Variants in RSPO2 observed in about 807,000 individuals in gnomAD.
RSPO2 encodes R-spondin-2.
Under a neutral mutation model 30.9 loss-of-function variants are expected in RSPO2, and 14 were observed. The observed-to-expected ratio is 0.45, with a 90% confidence interval of 0.30 to 0.71. RSPO2 has a LOEUF of 0.71. Ranked by LOEUF, RSPO2 falls within the 30% of genes least tolerant of loss-of-function variation. RSPO2 has a pLI of 0.08. For synonymous variants in RSPO2, 107 were observed against 96.4 expected (o/e 1.11, Z -0.64); for missense variants, 264 against 301.9 (o/e 0.87, Z 0.93).
intron 5 of RSPO2, among the ~76,000 whole-genome samples, chr8:107,921,115 C>T (rs1812153774): frequency 6.6e-6 from 1 of 151,998 alleles, no homozygotes; most frequent in African/African-American, 2.4e-5. Flanking sequence ...AGGTTAAACA[C>T]TGAAGGAATT....
chr8:107,901,744 A>ATTCATT (rs1302021157), intron 5 of RSPO2, among the ~76,000 whole-genome samples: 1 of 152,258 alleles, frequency 6.6e-6, no homozygotes, highest in Non-Finnish European at 1.5e-5. Context: ...TGGAGACATC[A>ATTCATT]TTCATTATAT....
At position 108,074,295 on chromosome 8, in the gene RSPO2, C is replaced by T. The variant is rs556634335; in HGVS notation, c.94+8250G>A. Among the ~76,000 whole-genome samples, 5 of 152,306 alleles carry T rather than the reference C, an allele frequency of 3.3e-5. No homozygotes were observed. The East Asian group carries it at 7.7e-4, about 23-fold the overall frequency. On this transcript the variant is annotated intron_variant, in intron 2 of 5. Coordinates refer to ENST00000276659, the MANE Select transcript of RSPO2 (RefSeq NM_178565.5). ...AAGCTACCTATAATCACTTTCTCTA[C>T]ATTTTAGAGTAAAAAATAAGAGATA... is the stretch of plus-strand genomic sequence containing the variant.
At chr8:108,052,601 A>T (rs1006008934) in intron 2 of RSPO2, among the ~76,000 whole-genome samples, 3 of 152,210 alleles carry the variant, frequency 2.0e-5, no homozygotes, top group African/African-American at 7.2e-5. Flanking sequence ...ATGTCCACAG[A>T]GTAAGCAACT....
At chr8:108,048,663 T>A (rs1811980272) in intron 2 of RSPO2, among the ~76,000 whole-genome samples, 1 of 152,266 alleles carries the variant, frequency 6.6e-6, no homozygotes, top group African/African-American at 2.4e-5. Flanking sequence ...TGTGTCTCTA[T>A]CTCCTTCAGT....
chr8:107,962,442 A>G (rs1019195658), intron 3 of RSPO2, among the ~76,000 whole-genome samples: 17 of 152,174 alleles, frequency 1.1e-4, no homozygotes, highest in African/African-American at 3.9e-4. Context: ...AATGTTACCA[A>G]ATTTATAAAC....
chr8:107,924,243 AC>A (rs1812282816), intron 5 of RSPO2, among the ~76,000 whole-genome samples: 1 of 152,082 alleles, frequency 6.6e-6, no homozygotes, highest in Non-Finnish European at 1.5e-5. Context: ...AAATTGAGAC[AC>A]AAAAAGGAAT....
intron 5 of RSPO2, among the ~76,000 whole-genome samples, chr8:107,950,325 A>G (rs189285924): frequency 8.8e-4 from 134 of 152,272 alleles, no homozygotes; most frequent in African/African-American, 3.1e-3. Context: ...TCAACCTAGA[A>G]CCATGTCTAC....
At chr8:107,968,999 G>T (rs1331839131) in intron 3 of RSPO2, among the ~76,000 whole-genome samples, 1 of 152,036 alleles carries the variant, frequency 6.6e-6, no homozygotes, top group Non-Finnish European at 1.5e-5. Flanking sequence ...CATTTGTTGG[G>T]TACCTACATG....
chr8:108,031,303 C>T (rs887873236), intron 2 of RSPO2, among the ~76,000 whole-genome samples: 6 of 152,146 alleles, frequency 3.9e-5, no homozygotes, highest in Admixed American at 2.0e-4. Context: ...GTGCAGAAAA[C>T]GTGACTCAGG....
At chr8:107,959,139 T>C (rs908864494) in intron 4 of RSPO2, among the ~76,000 whole-genome samples, 27 of 152,216 alleles carry the variant, frequency 1.8e-4, no homozygotes, top group African/African-American at 6.5e-4. Flanking sequence ...TGTGTTTTAG[T>C]TGGGAAGCAC....
intron 2 of RSPO2, among the ~76,000 whole-genome samples, chr8:108,007,833 C>G (rs2130577017): frequency 6.6e-6 from 1 of 152,176 alleles, no homozygotes; most frequent in East Asian, 1.9e-4. Flanking sequence ...TCAGCTACTC[C>G]AGAGGCTGAG....
Position 108,004,491 on chromosome 8 carries a change from C to A in RSPO2, c.95-15247G>T, listed in dbSNP as rs867989146. The stretch of plus-strand genomic sequence containing the variant: ...CTCAAATGATCAAAACTAGACTTTA[C>A]AAATGCATGAAAGCCAGAGGAATGA... On this transcript the variant is annotated intron_variant, in intron 2 of 5. Transcript: ENST00000276659. Among the ~76,000 whole-genome samples, 23 of 152,266 alleles carry A rather than the reference C, an allele frequency of 1.5e-4. No individual in the cohort carries two copies. The South Asian group carries it at 3.1e-3, about 21-fold the overall frequency.
intron 2 of RSPO2, among the ~76,000 whole-genome samples, chr8:108,052,550 T>G (rs1812107071): frequency 6.6e-6 from 1 of 152,128 alleles, no homozygotes; most frequent in African/African-American, 2.4e-5. Context: ...CATGGAGAAT[T>G]TATTAATAAC....
intron 5 of RSPO2, among the ~76,000 whole-genome samples, chr8:107,947,306 C>G (rs1459972371): frequency 6.6e-6 from 1 of 152,144 alleles, no homozygotes; most frequent in Non-Finnish European, 1.5e-5. Flanking sequence ...ATAAGGTTAA[C>G]ATGGCAAGCT....
rs1220162015 is a variant in RSPO2, at chr8:108,062,554, CA to C, written c.94+19990del. 4.6e-5 allele frequency among the ~76,000 whole-genome samples: 7 copies of C among 151,616 alleles called. No homozygotes were observed. The East Asian group carries it at 1.2e-3, about 25-fold the overall frequency. ...ATTGAGGCAATAATAGCCTACCAAC[CA>C]AAAAAAGTCCAGGACCAGTTGGATT... On this transcript the variant is annotated intron_variant, in intron 2 of 5. Coordinates refer to ENST00000276659, the MANE Select transcript of RSPO2 (RefSeq NM_178565.5).
intron 2 of RSPO2, among the ~76,000 whole-genome samples, chr8:108,062,414 C>T (rs1244581765): frequency 6.6e-6 from 1 of 151,784 alleles, no homozygotes; most frequent in Non-Finnish European, 1.5e-5. Flanking sequence ...AACACCTCTA[C>T]ACAAATAAAC....
chr8:107,998,980 G>T (rs551787592), intron 2 of RSPO2, among the ~76,000 whole-genome samples: 1 of 152,280 alleles, frequency 6.6e-6, no homozygotes, highest in Non-Finnish European at 1.5e-5. Flanking sequence ...GGAAGCAGAA[G>T]TTGCAGTGAG....
intron 5 of RSPO2, among the ~76,000 whole-genome samples, chr8:107,948,957 T>C (rs1167913147): frequency 6.8e-6 from 1 of 147,914 alleles, no homozygotes; most frequent in Non-Finnish European, 1.5e-5. Flanking sequence ...ATATAATAGG[T>C]CTGCACCTTT....
intron 3 of RSPO2, among the ~76,000 whole-genome samples, chr8:107,979,253 T>A (rs1045494523): frequency 6.6e-6 from 1 of 152,236 alleles, no homozygotes; most frequent in Non-Finnish European, 1.5e-5. Context: ...GAGGCACTAT[T>A]CACAGTAGCA....
Sources: allele counts gnomAD v4.1 joint callset (sites outside exome capture counted in the v4.1 genomes callset), GRCh38; gene constraint gnomAD v4.1.1; transcripts MANE v1.5; gene names NCBI Gene and HGNC (gene_info 2026-07-23, HGNC 2026-07-21).